Variants in CTNNA3 observed in about 807,000 individuals in gnomAD.
The protein encoded by CTNNA3 is catenin alpha 3.
CTNNA3 carries 76 observed loss-of-function variants against 95.7 expected under a neutral mutation model. That is an observed-to-expected ratio of 0.79 (90% CI 0.66 to 0.96). CTNNA3 has a LOEUF of 0.96. Ranked by LOEUF, CTNNA3 falls within the 40% of genes least tolerant of loss-of-function variation. The pLI is 0.00. For missense variants in CTNNA3, 1,191 were observed against 1,089.8 expected, an observed-to-expected ratio of 1.09 and a Z score of -1.31; for synonymous variants, 431 against 374.4, an observed-to-expected ratio of 1.15 and a Z score of -1.74.
chr10:66,322,947 A>T (rs1357498506), intron 12 of CTNNA3, among the ~76,000 whole-genome samples: 1 of 151,632 alleles, frequency 6.6e-6, no homozygotes, highest in Non-Finnish European at 1.5e-5. Flanking sequence ...CTAGTTAGTC[A>T]CCTTTCCTAG....
At chr10:67,375,575 C>A (rs1393942213) in intron 5 of CTNNA3, among the ~76,000 whole-genome samples, 6 of 151,900 alleles carry the variant, frequency 3.9e-5, no homozygotes, top group African/African-American at 1.2e-4. Flanking sequence ...AGCACTCCAC[C>A]CTGGGCAATA....
intron 5 of CTNNA3, among the ~76,000 whole-genome samples, chr10:67,317,548 C>T (rs1037386642): frequency 6.6e-6 from 1 of 152,050 alleles, no homozygotes; most frequent in Non-Finnish European, 1.5e-5. Flanking sequence ...GCCTCAGCCT[C>T]CCAAGTAGCT....
chr10:67,566,644 C>A (rs1466818570), intron 3 of CTNNA3, among the ~76,000 whole-genome samples: 2 of 151,986 alleles, frequency 1.3e-5, no homozygotes, highest in East Asian at 3.9e-4. Flanking sequence ...CTACAAATAC[C>A]ATTTGACCCA....
At position 67,135,611 on chromosome 10, in the gene CTNNA3, G is replaced by A. The variant is rs1256662958; in HGVS notation, c.1047+44706C>T. Among the ~76,000 whole-genome samples the A allele has an allele frequency of 5.9e-5, 9 of 152,188 alleles. No individual in the cohort carries two copies. The East Asian group carries it at 1.7e-3, about 29-fold the overall frequency. On this transcript the variant is annotated intron_variant, in intron 7 of 17. Coordinates refer to ENST00000433211, the MANE Select transcript of CTNNA3 (RefSeq NM_013266.4). ...GATTACTTGAGCCCAGGAATTCAAGGTTGCAGTGAACTATGATTGCACCAC... is the reference window on the plus strand; with the variant it reads ...GATTACTTGAGCCCAGGAATTCAAGATTGCAGTGAACTATGATTGCACCAC...
chr10:66,672,768 T>G (rs1195091534), intron 9 of CTNNA3, among the ~76,000 whole-genome samples: 1 of 152,070 alleles, frequency 6.6e-6, no homozygotes, highest in Non-Finnish European at 1.5e-5. Context: ...AAGTGCTGTA[T>G]AATCAACTGA....
chr10:66,697,333 G>T (rs558355404), intron 9 of CTNNA3, among the ~76,000 whole-genome samples: 1 of 151,118 alleles, frequency 6.6e-6, no homozygotes, highest in East Asian at 1.9e-4. Context: ...TGGGGAAATT[G>T]TATTGGAGTC....
At chr10:66,040,625 A>C (rs1442953773) in intron 15 of CTNNA3, among the ~76,000 whole-genome samples, 2 of 152,152 alleles carry the variant, frequency 1.3e-5, no homozygotes, top group Non-Finnish European at 2.9e-5. Context: ...TCATTCAGAA[A>C]CAGAAAGCCA....
intron 5 of CTNNA3, among the ~76,000 whole-genome samples, chr10:67,475,464 T>C (rs1847975887): frequency 1.3e-5 from 2 of 152,146 alleles, no homozygotes; most frequent in South Asian, 4.1e-4. Flanking sequence ...TATGGCTTCC[T>C]CCTTCAAAAA....
At chr10:66,137,503 A>C (rs1471049753) in intron 13 of CTNNA3, among the ~76,000 whole-genome samples, 4 of 152,174 alleles carry the variant, frequency 2.6e-5, no homozygotes, top group Admixed American at 2.0e-4. Flanking sequence ...GGGACAGAAA[A>C]AAATTTAAAA....
At chr10:67,417,555 G>T (rs1017513082) in intron 5 of CTNNA3, among the ~76,000 whole-genome samples, 2 of 152,088 alleles carry the variant, frequency 1.3e-5, no homozygotes, top group African/African-American at 4.8e-5. Context: ...CTTATAGAAA[G>T]CCGGTTTATT....
chr10:66,649,664 A>G (rs1214180940), intron 9 of CTNNA3, among the ~76,000 whole-genome samples: 1 of 152,156 alleles, frequency 6.6e-6, no homozygotes, highest in Non-Finnish European at 1.5e-5. Context: ...GATAGCTCCC[A>G]CAGCCCTGGG....
chr10:67,729,280 C>T (rs1376022010), intron 1 of CTNNA3, among the ~76,000 whole-genome samples: 2 of 152,076 alleles, frequency 1.3e-5, no homozygotes, highest in South Asian at 2.1e-4. Context: ...TGATAATCAT[C>T]CAATGGCATG....
At chr10:66,903,588 G>T (rs1018752470) in intron 7 of CTNNA3, among the ~76,000 whole-genome samples, 1 of 152,118 alleles carries the variant, frequency 6.6e-6, no homozygotes, top group African/African-American at 2.4e-5. Flanking sequence ...AAGTCAAATT[G>T]TCCCTGTTTG....
At chr10:66,178,407 A>ATATATATG (rs1345743864) in intron 13 of CTNNA3, among the ~76,000 whole-genome samples, 10 of 26,982 alleles carry the variant, frequency 3.7e-4, no homozygotes, top group South Asian at 2.7e-3. Flanking sequence ...GTGTATATAT[A>ATATATATG]TATATATATA....
At position 66,055,422 on chromosome 10, in the gene CTNNA3, C is replaced by T. The variant is rs150116984; in HGVS notation, c.2159+13886G>A. Among the ~76,000 whole-genome samples the T allele has an allele frequency of 5.3e-5, 8 of 152,190 alleles. No homozygotes were observed. In the East Asian group the frequency reaches 1.5e-3, roughly 29 times the overall value. On this transcript the variant is annotated intron_variant, in intron 15 of 17. Transcript: ENST00000433211. ...ATCAATGTTTTACAGTTTTATTGTA[C>T]AGATATTTCACTTCTTTGGTTAATT...
intron 7 of CTNNA3, among the ~76,000 whole-genome samples, chr10:66,966,249 A>G (rs1232228247): frequency 6.6e-6 from 1 of 152,184 alleles, no homozygotes; most frequent in Admixed American, 6.5e-5. Flanking sequence ...TTTAGGAAAA[A>G]TAAGTTCCTT....
chr10:65,986,319 G>T (rs1431784984), intron 16 of CTNNA3, among the ~76,000 whole-genome samples: 1 of 68,478 alleles, frequency 1.5e-5, no homozygotes, highest in Non-Finnish European at 3.6e-5. Context: ...AAACCTAAAG[G>T]CTCTACCAAA....
intron 7 of CTNNA3, among the ~76,000 whole-genome samples, chr10:66,955,245 T>C (rs1848726528): frequency 6.6e-6 from 1 of 152,156 alleles, no homozygotes. Flanking sequence ...GTTATATACA[T>C]AGATCATCAA....
intron 1 of CTNNA3, among the ~76,000 whole-genome samples, chr10:67,736,643 G>T (rs995439687): frequency 6.6e-6 from 1 of 151,766 alleles, no homozygotes; most frequent in Non-Finnish European, 1.5e-5. Context: ...TTTTAGTAGA[G>T]ATGGGGTTTC....
Sources: gnomAD v4.1 joint callset for allele counts (sites outside exome capture counted in the v4.1 genomes callset) on GRCh38, gnomAD v4.1.1 for gene constraint, MANE v1.5 for transcripts, NCBI Gene and HGNC (gene_info 2026-07-23, HGNC 2026-07-21) for gene names.